Variants in DNAH12 observed in about 807,000 individuals in gnomAD.
The protein encoded by DNAH12 is dynein axonemal heavy chain 12.
In DNAH12, 285 loss-of-function variants were observed where a neutral mutation model predicts 371.5. The observed-to-expected ratio is 0.77, with a 90% confidence interval of 0.70 to 0.85. The LOEUF is 0.85. Ranked by LOEUF, DNAH12 falls within the 40% of genes least tolerant of loss-of-function variation. DNAH12 has a pLI of 0.00. For synonymous variants in DNAH12, 1,200 were observed against 1,213.0 expected, an observed-to-expected ratio of 0.99 and a Z score of 0.22; for missense variants, 3,611 against 3,689.4, an observed-to-expected ratio of 0.98 and a Z score of 0.55.
At position 57,507,628 on chromosome 3, in the gene DNAH12, A is replaced by G. The variant is rs911548411; in HGVS notation, c.897+15T>C. On this transcript the variant is annotated intron_variant, in intron 8 of 73. Transcript: ENST00000495027. Reference sequence around the variant, plus strand: ...TTAATAACATTATCATTTAATATATATAAAGTGTATGTACCTGATTTGACA... The same window carrying G: ...TTAATAACATTATCATTTAATATATGTAAAGTGTATGTACCTGATTTGACA... 2 of 1,554,464 alleles carry G rather than the reference A, an allele frequency of 1.3e-6. No individual in the cohort carries two copies. The highest frequency in any genetic ancestry group is 1.7e-6 in the Non-Finnish European group (2 of 1,160,116).
chr3:57,339,984 T>C (rs575317981), intron 60 of DNAH12, among the ~76,000 whole-genome samples: 6 of 152,110 alleles, frequency 3.9e-5, no homozygotes, highest in Admixed American at 1.3e-4. Flanking sequence ...TATGGGAGGA[T>C]TGCTTGAGCC....
intron 43 of DNAH12, among the ~76,000 whole-genome samples, chr3:57,398,568 T>C (rs1326227541): frequency 6.6e-6 from 1 of 152,182 alleles, no homozygotes; most frequent in Non-Finnish European, 1.5e-5. Context: ...CAACTTGTCA[T>C]CTACAAGGGA....
intron 7 of DNAH12, 121 bp downstream of exon 7, chr3:57,508,261 T>C: frequency 8.7e-6 from 9 of 1,035,840 alleles, no homozygotes; most frequent in Non-Finnish European, 1.2e-5. Context: ...ATACATTTTT[T>C]TAAACTCTAA....
intron 58 of DNAH12, among the ~76,000 whole-genome samples, chr3:57,359,254 A>G (rs893932778): frequency 3.9e-5 from 6 of 152,002 alleles, no homozygotes; most frequent in Non-Finnish European, 8.8e-5. Flanking sequence ...AGAACAAGAT[A>G]TTTTCTAAGA....
chr3:57,297,832 A>G (rs2061264781), intron 70 of DNAH12, among the ~76,000 whole-genome samples: 1 of 152,210 alleles, frequency 6.6e-6, no homozygotes, highest in Non-Finnish European at 1.5e-5. Flanking sequence ...AATTTGGATC[A>G]GACGTAGCAT....
At chr3:57,434,463 T>C (rs1159856797) in intron 30 of DNAH12, among the ~76,000 whole-genome samples, 1 of 152,116 alleles carries the variant, frequency 6.6e-6, no homozygotes, top group Non-Finnish European at 1.5e-5. Context: ...CTACTATATA[T>C]AAATGAGAAA....
chr3:57,519,268 A>G (rs1390713089), intron 4 of DNAH12, among the ~76,000 whole-genome samples: 1 of 152,170 alleles, frequency 6.6e-6, no homozygotes, highest in African/African-American at 2.4e-5. Context: ...ATTTGTTACC[A>G]TAACATTCTT....
Position 57,314,474 on chromosome 3 carries a change from T to G in DNAH12, c.10662+20A>C. 6.4e-7 allele frequency: 1 copy of G among 1,550,814 alleles called. No individual in the cohort carries two copies. Among genetic ancestry groups the G allele is most frequent in the Non-Finnish European group, 8.7e-7 (1 of 1,146,722 alleles). On this transcript the variant is annotated intron_variant, in intron 66 of 73. Coordinates refer to ENST00000495027, the MANE Select transcript of DNAH12 (RefSeq NM_001366028.2). ...ATAAATAGTGATCCTTCATGAATGT[T>G]AATTTCTTGTTAATTTTACCTGCAG...
chr3:57,414,112 AG>A lies in DNAH12; in HGVS notation c.5854-201del, dbSNP rs1308909289. Among the ~76,000 whole-genome samples, 5 of 152,026 alleles carry A rather than the reference AG, an allele frequency of 3.3e-5. No homozygotes were observed. In the South Asian group the frequency reaches 1.0e-3, roughly 32 times the overall value. ...ACCATATTTAACACCAGAAAAAAAA[AG>A]TTTAAGTTTCTGTAGGGAAATCATA... On this transcript the variant is annotated intron_variant, in intron 38 of 73. Coordinates refer to ENST00000495027, the MANE Select transcript of DNAH12 (RefSeq NM_001366028.2).
intron 52 of DNAH12, among the ~76,000 whole-genome samples, chr3:57,377,476 T>C (rs1223648671): frequency 6.6e-6 from 1 of 152,134 alleles, no homozygotes; most frequent in Non-Finnish European, 1.5e-5. Context: ...TCAAAATATG[T>C]AGCAAAAATG....
intron 45 of DNAH12, among the ~76,000 whole-genome samples, chr3:57,390,432 T>A (rs1286016977): frequency 0.018 from 635 of 35,656 alleles, 58 homozygotes; most frequent in African/African-American, 0.025. Flanking sequence ...AAAATATATA[T>A]ATATATATAT....
intron 38 of DNAH12, 50 bp downstream of exon 38, chr3:57,415,376 A>G (rs1358490749): frequency 3.9e-6 from 6 of 1,533,710 alleles, no homozygotes; most frequent in Non-Finnish European, 5.3e-6. Flanking sequence ...CACTGAGCAA[A>G]TAAGACAAAA....
chr3:57,327,472 C>T lies in DNAH12; in HGVS notation c.9979-3853G>A, dbSNP rs571303573. The stretch of plus-strand genomic sequence containing the variant: ...TCCTGAATGACTACTGGGTACATAG[C>T]GAAATGAAGGCAGAAATAAAGATGT... On this transcript the variant is annotated intron_variant, in intron 62 of 73. Coordinates refer to ENST00000495027, the MANE Select transcript of DNAH12 (RefSeq NM_001366028.2). Among the ~76,000 whole-genome samples, 1,080 of 152,090 alleles carry T rather than the reference C, an allele frequency of 7.1e-3. 11 individuals carry two copies. The highest frequency in any genetic ancestry group is 0.024 in the African/African-American group (1,000 of 41,480).
chr3:57,433,712 C>T lies in DNAH12; in HGVS notation c.4772G>A (p.Arg1591Lys). The change falls in exon 31 of 74, where the codon AGA becomes AAA. Residue 1591 changes from arginine to lysine, a missense_variant. This residue lies in a region of DNAH12 where 2,266 missense variants were observed against 2,236.9 expected (regional missense o/e 1.01). Transcript: ENST00000495027. ...AGTAATAGATTTGGGGTTTACAGTT[C>T]TATAAATGACCTTTTCTTCCTCTCC... is the stretch of plus-strand genomic sequence containing the variant. Reference protein sequence around the residue: ...GYGEEEKVIYRTVNPKSITMG... With the variant: ...GYGEEEKVIYKTVNPKSITMG... 6.4e-7 allele frequency: 1 copy of T among 1,551,342 alleles called. No individual in the cohort carries two copies. The highest frequency in any genetic ancestry group is 8.7e-7 in the Non-Finnish European group (1 of 1,146,928).
At chr3:57,433,288 TAG>T in intron 32 of DNAH12, 77 bp downstream of exon 32, 3 of 1,389,200 alleles carry the variant, frequency 2.2e-6, no homozygotes, top group Non-Finnish European at 2.8e-6. Flanking sequence ...TTATTTTAAA[TAG>T]AGTCCTAGTT....
intron 2 of DNAH12, among the ~76,000 whole-genome samples, chr3:57,524,569 C>G (rs940971913): frequency 1.3e-5 from 2 of 151,762 alleles, no homozygotes; most frequent in African/African-American, 4.8e-5. Context: ...CAACAAATCT[C>G]AAGGACTGAT....
At chr3:57,528,496 G>T (rs112275046) in intron 2 of DNAH12, among the ~76,000 whole-genome samples, 9 of 149,046 alleles carry the variant, frequency 6.0e-5, no homozygotes, top group South Asian at 4.3e-4. Context: ...GAGGCCAAGG[G>T]GGGGGGATCC....
chr3:57,500,413 A>G (rs1030225142), intron 11 of DNAH12, among the ~76,000 whole-genome samples: 3 of 152,216 alleles, frequency 2.0e-5, no homozygotes, highest in African/African-American at 7.2e-5. Flanking sequence ...ACAAAGTACA[A>G]ACTCTTGAGC....
chr3:57,544,374 C>T (rs1304772342), upstream of DNAH12: 1 of 152,186 alleles, frequency 6.6e-6, no homozygotes, highest in East Asian at 1.9e-4. Flanking sequence ...ACAACGTCGT[C>T]GCCATGGAAA....
Sources: gnomAD v4.1 joint callset for allele counts (sites outside exome capture counted in the v4.1 genomes callset) on GRCh38, gnomAD v4.1.1 for gene constraint, gnomAD v4.1.1 regional missense constraint, MANE v1.5 for transcripts, NCBI Gene and HGNC (gene_info 2026-07-23, HGNC 2026-07-21) for gene names.